The following TTI1 variants were observed in gnomAD, a reference collection of about 807,000 sequenced individuals.
The protein encoded by TTI1 is TELO2-interacting protein 1 homolog.
A neutral mutation model predicts 85.4 loss-of-function variants in TTI1; 52 were observed. The observed-to-expected ratio is 0.61, with a 90% CI of 0.49 to 0.77. The LOEUF (loss-of-function observed/expected upper bound fraction) is 0.77. Ranked by LOEUF, TTI1 falls within the 30% of genes least tolerant of loss-of-function variation. The probability of loss-of-function intolerance (pLI) is 0.00; values close to 1 mark genes in which losing one functional copy is unlikely to be tolerated. For synonymous variants in TTI1, 512 were observed against 503.9 expected (o/e 1.02, Z -0.22); for missense variants, 1,173 against 1,296.0 (o/e 0.91, Z 1.46).
intron 3 of TTI1, among the ~76,000 whole-genome samples, chr20:38,005,599 T>G (rs954840935): frequency 6.6e-6 from 1 of 152,186 alleles, no homozygotes; most frequent in Non-Finnish European, 1.5e-5. Context: ...CCTATTAATT[T>G]AGGAAGAAAA....
chr20:38,020,324 ATATATATATATATATATATATATAT>A (rs2073751517), intron 1 of TTI1, among the ~76,000 whole-genome samples: 1 of 45,814 alleles, frequency 2.2e-5, no homozygotes, highest in Non-Finnish European at 4.7e-5. Context: ...AAAAAAAAAA[ATATATATATATATATATATATATAT>A]ATATGTATGT....
At chr20:37,991,152 T>C (rs778373188) in intron 7 of TTI1, among the ~76,000 whole-genome samples, 10 of 152,172 alleles carry the variant, frequency 6.6e-5, no homozygotes, top group Admixed American at 1.3e-4. Context: ...AGATGGATAA[T>C]AGGAAAGCTA....
At chr20:38,002,544 G>A (rs566359058) in intron 4 of TTI1, 84 bp downstream of exon 4, 32 of 1,545,178 alleles carry the variant, frequency 2.1e-5, no homozygotes, top group South Asian at 2.0e-4. Flanking sequence ...GGGGAGCTAC[G>A]TGCTCATCCG....
At chr20:38,022,533 C>G (rs2122636387) in intron 1 of TTI1, among the ~76,000 whole-genome samples, 1 of 152,258 alleles carries the variant, frequency 6.6e-6, no homozygotes, top group Admixed American at 6.5e-5. Context: ...AGATCTGGTT[C>G]TGTCATTTGT....
chr20:37,987,072 G>A (rs568427032), intron 7 of TTI1: 14 of 427,390 alleles, frequency 3.3e-5, no homozygotes, highest in African/African-American at 4.1e-5. Context: ...AGAGGCAGGC[G>A]GCCTGCTGAA....
intron 2 of TTI1, among the ~76,000 whole-genome samples, chr20:38,008,072 C>T (rs2073528194): frequency 6.6e-6 from 1 of 152,120 alleles, no homozygotes; most frequent in Non-Finnish European, 1.5e-5. Flanking sequence ...CAAATTAAAA[C>T]TATAATAAGG....
chr20:38,011,381 A>T, intron 2 of TTI1, 134 bp downstream of exon 2: 2 of 975,968 alleles, frequency 2.0e-6, no homozygotes, highest in Non-Finnish European at 2.9e-6. Context: ...CCCATAACCT[A>T]TGGGACTGGA....
chr20:38,016,920 C>A (rs2073691037), intron 1 of TTI1, among the ~76,000 whole-genome samples: 1 of 152,222 alleles, frequency 6.6e-6, no homozygotes, highest in African/African-American at 2.4e-5. Flanking sequence ...GGGCCTTTCA[C>A]CATCAGGCTT....
rs145716210 is a variant in TTI1, at chr20:37,985,465, T to A, written c.3087-1826A>T. ...GTCTTGATATCATCCTTAGGTGTAG[T>A]GGACATACACTAAGGAGGTCAGGGA... On this transcript the variant is annotated intron_variant, in intron 7 of 7. Transcript: ENST00000373447. 8.0e-3 allele frequency among the ~76,000 whole-genome samples: 1,211 copies of A among 151,616 alleles called. 7 individuals are homozygous for A. The highest frequency in any genetic ancestry group is 0.023 in the African/African-American group (944 of 41,284).
At chr20:37,994,158 A>G (rs543260017) in intron 7 of TTI1, among the ~76,000 whole-genome samples, 11 of 152,270 alleles carry the variant, frequency 7.2e-5, no homozygotes, top group Admixed American at 7.2e-4. Flanking sequence ...TAGGTATGAC[A>G]GACTGCACTC....
At chr20:37,995,228 G>A (rs541955888) in intron 7 of TTI1, among the ~76,000 whole-genome samples, 2 of 152,252 alleles carry the variant, frequency 1.3e-5, no homozygotes, top group African/African-American at 4.8e-5. Context: ...GGGATGTGAC[G>A]GGAAAGGGAC....
chr20:38,020,600 C>T (rs1192402452), intron 1 of TTI1, among the ~76,000 whole-genome samples: 1 of 151,504 alleles, frequency 6.6e-6, no homozygotes, highest in Non-Finnish European at 1.5e-5. Flanking sequence ...TGCTATATAT[C>T]TGACAAAACA....
At position 38,012,348 on chromosome 20, in the gene TTI1, T is replaced by C. The variant is rs772358784; in HGVS notation, c.1469A>G (p.Gln490Arg). 9 of 1,614,192 alleles carry C rather than the reference T, an allele frequency of 5.6e-6. No homozygotes were observed. The Admixed American group carries it at 1.5e-4, about 27-fold the overall frequency. ...TDERIFMLLR[Q>R]VCQLLGYYGN... ...ATAATAACCAAGTAGCTGACAAACC[T>C]GCCTCAAGAGCATGAAGATTCTCTC... Residue 490 changes from glutamine (Q) to arginine (R), a missense_variant, in exon 2 of 8, where the codon CAG becomes CGG. Gln to Arg is a conservative substitution (Grantham distance 43). Coordinates refer to ENST00000373447, the MANE Select transcript of TTI1 (RefSeq NM_001303457.2).
At position 38,013,180 on chromosome 20, in the gene TTI1, T is replaced by C. The variant is rs780127836; in HGVS notation, c.637A>G (p.Ile213Val). 23 of 1,614,034 alleles carry C rather than the reference T, an allele frequency of 1.4e-5. No individual in the cohort carries two copies. The Admixed American group carries it at 3.0e-4, about 21-fold the overall frequency. Residue 213 changes from isoleucine (I) to valine (V), a missense_variant, in exon 2 of 8, where the codon ATC becomes GTC. By Grantham distance (29) the Ile-to-Val change is conservative. Coordinates refer to ENST00000373447, the MANE Select transcript of TTI1 (RefSeq NM_001303457.2). ...GDLFASFLPG[I>V]STALTRLITG... ...ATAAGCCTGGTCAGTGCAGTTGAGA[T>C]TCCAGGTAAAAAAGAGGCAAACAAA...
chr20:38,028,917 G>C (rs2122655710), intron 1 of TTI1, among the ~76,000 whole-genome samples: 1 of 152,096 alleles, frequency 6.6e-6, no homozygotes, highest in East Asian at 1.9e-4. Flanking sequence ...ATGTTGCCCA[G>C]GCTGTTCTTG....
intron 2 of TTI1, among the ~76,000 whole-genome samples, chr20:38,009,708 G>T (rs888425699): frequency 2.6e-5 from 4 of 152,028 alleles, no homozygotes; most frequent in Non-Finnish European, 5.9e-5. Flanking sequence ...ATACTAGGTT[G>T]CCCAGGCTGG....
At chr20:37,988,258 T>C (rs1024224134) in intron 7 of TTI1, among the ~76,000 whole-genome samples, 5 of 152,234 alleles carry the variant, frequency 3.3e-5, no homozygotes, top group Middle Eastern at 3.4e-3. Flanking sequence ...AAAGAGCGAG[T>C]GGACCAGATC....
chr20:38,007,673 A>C (rs1407679116), intron 2 of TTI1, among the ~76,000 whole-genome samples: 1 of 152,240 alleles, frequency 6.6e-6, no homozygotes, highest in African/African-American at 2.4e-5. Context: ...GCTGGGAAAA[A>C]AACTCTGATA....
intron 7 of TTI1, among the ~76,000 whole-genome samples, chr20:37,992,599 T>C (rs943744569): frequency 1.3e-5 from 2 of 152,178 alleles, no homozygotes; most frequent in African/African-American, 2.4e-5. Flanking sequence ...TTCAAAAATT[T>C]GAAAAGTATT....
Sources: allele counts gnomAD v4.1 joint callset (sites outside exome capture counted in the v4.1 genomes callset), GRCh38; gene constraint gnomAD v4.1.1; transcripts MANE v1.5; gene names NCBI Gene and HGNC (gene_info 2026-07-23, HGNC 2026-07-21).